Variants in CPT1A observed in about 807,000 individuals in gnomAD.
CPT1A encodes the protein carnitine O-palmitoyltransferase 1, liver isoform.
In CPT1A, 64 loss-of-function variants were observed where a neutral mutation model predicts 100.8. That is an observed-to-expected ratio of 0.63 (90% CI 0.52 to 0.78). The LOEUF (loss-of-function observed/expected upper bound fraction) is 0.78. Ranked by LOEUF, CPT1A falls within the 30% of genes least tolerant of loss-of-function variation. The pLI is 0.00. For synonymous variants in CPT1A, 363 were observed against 396.0 expected, an observed-to-expected ratio of 0.92 and a Z score of 0.99; for missense variants, 802 against 1,034.1, an observed-to-expected ratio of 0.78 and a Z score of 3.08.
Position 68,841,644 on chromosome 11 carries a change from C to A in CPT1A, c.-14+131G>T, listed in dbSNP as rs1033090580. 2.3e-5 allele frequency: 9 copies of A among 398,702 alleles called. No homozygotes were observed. Among genetic ancestry groups the A allele is most frequent in the African/African-American group, 2.0e-4 (9 of 45,870 alleles). The allele number at this position is 398,702 out of a possible 1,614,324, so 24.7% of individuals were successfully genotyped here. A position where few individuals can be genotyped will look rare whatever the true frequency, so the allele number is the denominator to read the frequency against. On this transcript the variant is annotated intron_variant, in intron 1 of 18. Transcript: ENST00000265641. This position sits in a 1 kb window ranked among gnomAD's most constrained non-coding sequence, Gnocchi z 6.3. Reference sequence around the variant, plus strand: ...CCGGGGGGAATACCGGGGTTCCTCTCGGCGCCCCGGTTCCGGCGGCGTCCC... The same window carrying A: ...CCGGGGGGAATACCGGGGTTCCTCTAGGCGCCCCGGTTCCGGCGGCGTCCC...
chr11:68,796,580 A>C (rs570342202), intron 7 of CPT1A, among the ~76,000 whole-genome samples: 2 of 152,314 alleles, frequency 1.3e-5, no homozygotes, highest in East Asian at 3.9e-4. Context: ...ACAAAAAAAC[A>C]GCAGGACAGG....
chr11:68,761,826 GT>G, intron 15 of CPT1A, 139 bp from the exon 16 acceptor site: 6 of 1,005,720 alleles, frequency 6.0e-6, no homozygotes, highest in Non-Finnish European at 9.2e-6. Flanking sequence ...GCCCAGGGTG[GT>G]TTCGAACTCC....
At chr11:68,837,142 T>C (rs1857029608) in intron 1 of CPT1A, among the ~76,000 whole-genome samples, 1 of 152,150 alleles carries the variant, frequency 6.6e-6, no homozygotes, top group Non-Finnish European at 1.5e-5. Flanking sequence ...CTCCAACTCC[T>C]GGGTTCAAGC....
rs182810361 is a variant in CPT1A, at chr11:68,838,863, G to A, written c.-14+2912C>T. On this transcript the variant is annotated intron_variant, in intron 1 of 18. Transcript: ENST00000265641. Reference sequence around the variant, plus strand: ...GATTACAGGCGTGAGCCACGGGGCCGGGCCCATCTGTGCCTCTTTAACTTT... The same window carrying A: ...GATTACAGGCGTGAGCCACGGGGCCAGGCCCATCTGTGCCTCTTTAACTTT... Among the ~76,000 whole-genome samples, 306 of 152,300 alleles carry A rather than the reference G, an allele frequency of 2.0e-3. 7 individuals are homozygous for A. Among genetic ancestry groups the A allele is most frequent in the Admixed American group, 0.015 (228 of 15,298 alleles).
chr11:68,809,078 A>G (rs1395303061), intron 3 of CPT1A, among the ~76,000 whole-genome samples: 1 of 152,110 alleles, frequency 6.6e-6, no homozygotes, highest in African/African-American at 2.4e-5. Flanking sequence ...TAAGTGGACA[A>G]AAACAAATTA....
intron 18 of CPT1A, 46 bp from the exon 19 acceptor site, chr11:68,757,776 TC>T: frequency 8.4e-7 from 1 of 1,192,546 alleles, no homozygotes. Flanking sequence ...AACGTGGCCA[TC>T]CCCACATTTC....
At chr11:68,773,595 T>G in intron 13 of CPT1A, 166 bp from the exon 14 acceptor site, 1 of 1,271,586 alleles carries the variant, frequency 7.9e-7, no homozygotes, top group Non-Finnish European at 1.1e-6. Context: ...GGGGCATGGC[T>G]CCCTGACCCC....
chr11:68,841,872 GC>G lies in CPT1A; in HGVS notation c.-112del. 1.0e-6 allele frequency: 1 copy of G among 990,998 alleles called. No individual in the cohort carries two copies. The highest frequency in any genetic ancestry group is 1.2e-6 in the Non-Finnish European group (1 of 834,988). 61.4% of individuals were successfully genotyped at this position (990,998 alleles called of 1,614,324 possible). A position where few individuals can be genotyped will look rare whatever the true frequency, so the allele number is the denominator to read the frequency against. On this transcript the variant is annotated 5_prime_UTR_variant, in exon 1 of 19. Coordinates refer to ENST00000265641, the MANE Select transcript of CPT1A (RefSeq NM_001876.4). The surrounding 1 kb of genome is among the most constrained non-coding windows in gnomAD (Gnocchi z 6.3). Reference sequence around the variant, plus strand: ...GGCGAGCGGGAGCCGGGGAAGGAGGGCCGCGGGCGAGGCCGAGCGCACCCGA... The same window carrying G: ...GGCGAGCGGGAGCCGGGGAAGGAGGGCGCGGGCGAGGCCGAGCGCACCCGA...
intron 1 of CPT1A, among the ~76,000 whole-genome samples, chr11:68,827,752 G>T (rs533220972): frequency 3.3e-5 from 5 of 152,214 alleles, no homozygotes; most frequent in Non-Finnish European, 2.9e-5. Flanking sequence ...CTACGTATTT[G>T]AGTATCTACA....
chr11:68,789,570 T>C (rs1855560273), intron 9 of CPT1A, among the ~76,000 whole-genome samples: 2 of 152,100 alleles, frequency 1.3e-5, no homozygotes, highest in South Asian at 4.1e-4. Context: ...TTAATTTTTG[T>C]GGGTTTCTTT....
chr11:68,826,697 T>C (rs11228370), intron 1 of CPT1A, among the ~76,000 whole-genome samples: 66,919 of 148,476 alleles, frequency 0.45, 17,508 homozygotes, highest in Admixed American at 0.62. Context: ...GAGATCAGGC[T>C]ACTGCACTAC....
intron 5 of CPT1A, among the ~76,000 whole-genome samples, chr11:68,803,358 G>C (rs1445653226): frequency 6.6e-6 from 1 of 152,146 alleles, no homozygotes; most frequent in Non-Finnish European, 1.5e-5. Context: ...TGGGGGGAGG[G>C]AAGAATGGGG....
upstream of CPT1A, among the ~76,000 whole-genome samples, chr11:68,843,269 G>A (rs572191777): frequency 8.2e-4 from 125 of 152,204 alleles, no homozygotes; most frequent in African/African-American, 3.0e-3. The surrounding 1 kb of genome is among the most constrained non-coding windows in gnomAD (Gnocchi z 4.0). Context: ...GGACGGAGAT[G>A]ACCACCGGCC....
In CPT1A at chr11:68,841,860, C is replaced by T. The variant is rs963311574; in HGVS notation, c.-99G>A. 10 of 993,094 alleles carry T rather than the reference C, an allele frequency of 1.0e-5. No individual in the cohort carries two copies. The highest frequency in any genetic ancestry group is 1.2e-4 in the Admixed American group (2 of 16,174). The allele number at this position is 993,094 out of a possible 1,614,324, so 61.5% of individuals were successfully genotyped here. On this transcript the variant is annotated 5_prime_UTR_variant, in exon 1 of 19. Transcript: ENST00000265641. This position sits in a 1 kb window ranked among gnomAD's most constrained non-coding sequence, Gnocchi z 6.3. ...GAGTGAACGAGCGGCGAGCGGGAGC[C>T]GGGGAAGGAGGGCCGCGGGCGAGGC...
chr11:68,781,930 T>C lies in CPT1A; in HGVS notation c.1193A>G (p.Tyr398Cys). 6.2e-7 allele frequency: 1 copy of C among 1,614,170 alleles called. No individual in the cohort carries two copies. The highest frequency in any genetic ancestry group is 8.5e-7 in the Non-Finnish European group (1 of 1,180,028). Residue 398 changes from tyrosine to cysteine, a missense_variant, in exon 11 of 19, where the codon TAT (tyrosine) becomes TGT (cysteine). Tyr to Cys is a radical substitution (Grantham distance 194, BLOSUM62 -2). This residue lies in a region of CPT1A where 627 missense variants were observed against 799.3 expected (regional missense o/e 0.78). Coordinates refer to ENST00000265641, the MANE Select transcript of CPT1A (RefSeq NM_001876.4). ...RVPWARCRQA[Y>C]FGRGKNKQSL... ...CTGCTTATTTTTCCCACGTCCAAAA[T>C]AGGCCTGACGACACCTGGCCCAGGG...
intron 5 of CPT1A, among the ~76,000 whole-genome samples, chr11:68,799,582 C>G (rs1855848220): frequency 6.6e-6 from 1 of 151,708 alleles, no homozygotes; most frequent in Non-Finnish European, 1.5e-5. Context: ...AACCCCATCT[C>G]TACAAAAAAA....
intron 12 of CPT1A, among the ~76,000 whole-genome samples, chr11:68,779,657 A>G (rs1436742425): frequency 6.6e-6 from 1 of 151,960 alleles, no homozygotes; most frequent in African/African-American, 2.4e-5. Context: ...TTAGCTGGGC[A>G]TGGTGGCACA....
At chr11:68,815,946 G>C (rs575566379) in intron 1 of CPT1A, among the ~76,000 whole-genome samples, 2 of 146,838 alleles carry the variant, frequency 1.4e-5, no homozygotes, top group African/African-American at 5.1e-5. Context: ...CCTGGCCCTG[G>C]ACATTCCCGG....
chr11:68,782,922 C>T (rs1303622463), intron 10 of CPT1A, among the ~76,000 whole-genome samples: 1 of 152,194 alleles, frequency 6.6e-6, no homozygotes, highest in Admixed American at 6.5e-5. Flanking sequence ...GAGGGGGCAT[C>T]GGGACCGAGG....
Sources: allele counts gnomAD v4.1 joint callset (sites outside exome capture counted in the v4.1 genomes callset), GRCh38; gene constraint gnomAD v4.1.1; regional missense constraint gnomAD v4.1.1; non-coding constraint Gnocchi (gnomAD v3.1); transcripts MANE v1.5; gene names NCBI Gene and HGNC (gene_info 2026-07-23, HGNC 2026-07-21).